ZYG11A: variants seen among roughly 807,000 people sequenced by gnomAD.
ZYG11A encodes the protein protein zyg-11 homolog A.
In ZYG11A, 62 loss-of-function variants were observed where a neutral mutation model predicts 77.2. The observed-to-expected ratio is 0.80, with a 90% CI of 0.65 to 0.99. The LOEUF (loss-of-function observed/expected upper bound fraction) is 0.99. Ranked by LOEUF, ZYG11A falls within the 50% of genes least tolerant of loss-of-function variation. ZYG11A has a pLI of 0.00. For missense variants in ZYG11A, 828 were observed against 896.8 expected, an observed-to-expected ratio of 0.92 and a Z score of 0.98; for synonymous variants, 315 against 324.6, an observed-to-expected ratio of 0.97 and a Z score of 0.32.
intron 1 of ZYG11A, among the ~76,000 whole-genome samples, chr1:52,849,961 G>A (rs1193295037): frequency 2.0e-5 from 3 of 152,164 alleles, no homozygotes; most frequent in Non-Finnish European, 4.4e-5. Context: ...TGGGATTACA[G>A]GCGTGAGCCA....
intron 13 of ZYG11A, among the ~76,000 whole-genome samples, chr1:52,890,004 C>T (rs531637860): frequency 3.3e-5 from 5 of 150,582 alleles, no homozygotes; most frequent in East Asian, 2.0e-4. Context: ...TGAGCCACGG[C>T]GCCTGGCCTC....
chr1:52,850,486 T>C (rs1645688050), intron 1 of ZYG11A, among the ~76,000 whole-genome samples: 1 of 152,022 alleles, frequency 6.6e-6, no homozygotes, highest in Non-Finnish European at 1.5e-5. Flanking sequence ...ACCCGGCCAA[T>C]TTTTTGTATT....
chr1:52,846,313 TATATATA>T (rs1645579161), intron 1 of ZYG11A, among the ~76,000 whole-genome samples: 2 of 1,706 alleles, frequency 1.2e-3, no homozygotes, highest in East Asian at 8.0e-3. Context: ...TAAATTTTTA[TATATATA>T]TATATATATA....
intron 4 of ZYG11A, among the ~76,000 whole-genome samples, chr1:52,862,984 C>T (rs1645959057): frequency 1.3e-5 from 2 of 152,124 alleles, no homozygotes; most frequent in East Asian, 3.9e-4. Context: ...TGAGGTCTTA[C>T]TGTGTTGCCT....
In ZYG11A at chr1:52,867,590, C is replaced by T. The variant is rs1646049753; in HGVS notation, c.1443C>T (p.Pro481=). Residue 481 remains proline (P), a synonymous_variant, in exon 7 of 14, where the codon CCC becomes CCT. Coordinates refer to ENST00000371528, the MANE Select transcript of ZYG11A (RefSeq NM_001004339.3). ...VMRWLCKHEN[P]KMQTMAVSVT... ...GATGGCTCTGTAAGCATGAAAACCCCAAGATGCAAACAATGGCAGTGAGTG... is the reference window on the plus strand; with the variant it reads ...GATGGCTCTGTAAGCATGAAAACCCTAAGATGCAAACAATGGCAGTGAGTG... The T allele has an allele frequency of 6.4e-7, 1 of 1,552,292 alleles. No individual in the cohort carries two copies. Among genetic ancestry groups the T allele is most frequent in the Non-Finnish European group, 8.7e-7 (1 of 1,147,124 alleles).
rs372767217 is a variant in ZYG11A at position 52,847,036 on chromosome 1, C to T, written c.90+4063C>T. On this transcript the variant is annotated intron_variant, in intron 1 of 13. Coordinates refer to ENST00000371528, the MANE Select transcript of ZYG11A (RefSeq NM_001004339.3). ...CTAATTTTTGTATTTTTAGTAGAGACGGGGTTTCACTGTGTTAGCCAGGAT... is the reference window on the plus strand; with the variant it reads ...CTAATTTTTGTATTTTTAGTAGAGATGGGGTTTCACTGTGTTAGCCAGGAT... Among the ~76,000 whole-genome samples, 110 of 151,736 alleles carry T rather than the reference C, an allele frequency of 7.2e-4. 1 individual carries two copies. The South Asian group carries it at 0.018, about 24-fold the overall frequency.
chr1:52,842,779 C>A lies in ZYG11A; in HGVS notation c.-105C>A. On this transcript the variant is annotated 5_prime_UTR_variant, in exon 1 of 14. Transcript: ENST00000371528. Reference sequence around the variant, plus strand: ...CGCGGCGCTAGCTCCGTGTGCCTCGCAGGCGTGGTGGGCGCGTCCTGGCAG... The same window carrying A: ...CGCGGCGCTAGCTCCGTGTGCCTCGAAGGCGTGGTGGGCGCGTCCTGGCAG... 2 of 1,101,812 alleles carry A rather than the reference C, an allele frequency of 1.8e-6. No individual in the cohort carries two copies. The highest frequency in any genetic ancestry group is 2.6e-6 in the Non-Finnish European group (2 of 771,538). 68.3% of individuals were successfully genotyped at this position (1,101,812 alleles called of 1,614,324 possible). A position where few individuals can be genotyped will look rare whatever the true frequency, so the allele number is the denominator to read the frequency against.
At chr1:52,869,563 A>C (rs565806150) in intron 8 of ZYG11A, among the ~76,000 whole-genome samples, 1 of 151,952 alleles carries the variant, frequency 6.6e-6, no homozygotes, top group African/African-American at 2.4e-5. Flanking sequence ...GGTTGGGGGT[A>C]AGGTCATAGA....
In ZYG11A at chr1:52,856,900, T is replaced by G. The variant is rs1035523159; in HGVS notation, c.257-98T>G. ...ACAGAGCAGTAAATGTTGTCATTAT[T>G]GTTATTATTAACATCTGTCTTAATT... On this transcript the variant is annotated intron_variant, in intron 2 of 13. Transcript: ENST00000371528. 1.7e-5 allele frequency: 22 copies of G among 1,263,512 alleles called. No individual in the cohort carries two copies. The African/African-American group carries it at 2.3e-4, about 13-fold the overall frequency. 78.3% of individuals were successfully genotyped at this position (1,263,512 alleles called of 1,614,324 possible).
intron 1 of ZYG11A, among the ~76,000 whole-genome samples, chr1:52,845,470 C>A (rs1208624308): frequency 6.6e-6 from 1 of 151,480 alleles, no homozygotes; most frequent in African/African-American, 2.4e-5. Context: ...CATTTCCTGG[C>A]TAATTTTTGT....
intron 1 of ZYG11A, among the ~76,000 whole-genome samples, chr1:52,844,465 C>T (rs1413559706): frequency 6.6e-6 from 1 of 152,104 alleles, no homozygotes; most frequent in African/African-American, 2.4e-5. Context: ...CACCCATTTT[C>T]TCTGTCTAGT....
chr1:52,882,894 G>A (rs1279455856), intron 11 of ZYG11A, among the ~76,000 whole-genome samples: 5 of 150,920 alleles, frequency 3.3e-5, no homozygotes, highest in Admixed American at 6.6e-5. Flanking sequence ...CATATATTTT[G>A]TTGAGTACTT....
intron 1 of ZYG11A, among the ~76,000 whole-genome samples, chr1:52,850,435 C>CCTGGTTCA (rs1273316277): frequency 6.6e-6 from 1 of 151,942 alleles, no homozygotes; most frequent in Non-Finnish European, 1.5e-5. Flanking sequence ...TGTCCTGCCT[C>CCTGGTTCA]AGCCTCCCAA....
chr1:52,845,979 T>C (rs1645568793), intron 1 of ZYG11A, among the ~76,000 whole-genome samples: 1 of 152,122 alleles, frequency 6.6e-6, no homozygotes, highest in Non-Finnish European at 1.5e-5. Context: ...TTAATTAGAA[T>C]AAATATAATT....
intron 4 of ZYG11A, among the ~76,000 whole-genome samples, chr1:52,861,572 C>T (rs141473055): frequency 0.014 from 2,157 of 152,136 alleles, 23 homozygotes; most frequent in Middle Eastern, 0.13. Context: ...GGCGTGGTGG[C>T]GCACTCCTAT....
At position 52,842,791 on chromosome 1, in the gene ZYG11A, G is replaced by T; in HGVS notation, c.-93G>T. The T allele has an allele frequency of 8.1e-7, 1 of 1,234,572 alleles. No homozygotes were observed. The highest frequency in any genetic ancestry group is 1.1e-6 in the Non-Finnish European group (1 of 887,020). The allele number at this position is 1,234,572 out of a possible 1,614,324, so 76.5% of individuals were successfully genotyped here. ...TCCGTGTGCCTCGCAGGCGTGGTGG[G>T]CGCGTCCTGGCAGCCGCCCGCTTGG... is the stretch of plus-strand genomic sequence containing the variant. On this transcript the variant is annotated 5_prime_UTR_variant, in exon 1 of 14. Transcript: ENST00000371528.
Position 52,887,019 on chromosome 1 carries a change from A to G in ZYG11A, c.2070A>G (p.Ala690=), listed in dbSNP as rs1646465102. Residue 690 remains alanine (A), a synonymous_variant, in exon 13 of 14, where the codon GCA becomes GCG. Coordinates refer to ENST00000371528, the MANE Select transcript of ZYG11A (RefSeq NM_001004339.3). ...CTCAACCAGAGGTTCAGCTCTGGGC[A>G]CTATGGGCTATGTATCATGTCTGCA... is the stretch of plus-strand genomic sequence containing the variant. The part of the protein sequence containing the change: ...NFSQPEVQLW[A]LWAMYHVCSK... 3 of 1,547,300 alleles carry G rather than the reference A, an allele frequency of 1.9e-6. No homozygotes were observed. The highest frequency in any genetic ancestry group is 1.2e-5 in the South Asian group (1 of 83,824).
intron 8 of ZYG11A, among the ~76,000 whole-genome samples, chr1:52,876,166 G>A (rs1479888140): frequency 6.6e-6 from 1 of 152,150 alleles, no homozygotes; most frequent in Non-Finnish European, 1.5e-5. Context: ...GTAGTCTTTG[G>A]AGCAAATTCT....
intron 13 of ZYG11A, among the ~76,000 whole-genome samples, 186 bp from the exon 14 acceptor site, chr1:52,892,596 C>T (rs1196183952): frequency 6.6e-6 from 1 of 152,004 alleles, no homozygotes; most frequent in Non-Finnish European, 1.5e-5. Flanking sequence ...AAATGAGCAT[C>T]TGTTACCTCA....
Sources: allele counts gnomAD v4.1 joint callset (sites outside exome capture counted in the v4.1 genomes callset), GRCh38; gene constraint gnomAD v4.1.1; transcripts MANE v1.5; gene names NCBI Gene and HGNC (gene_info 2026-07-23, HGNC 2026-07-21).